CRYBG1: variants seen among roughly 807,000 people sequenced by gnomAD.
CRYBG1 encodes the protein crystallin beta-gamma domain containing 1.
CRYBG1 carries 139 observed loss-of-function variants against 189.2 expected under a neutral mutation model. That is an observed-to-expected ratio of 0.73 (90% confidence interval 0.64 to 0.85). The LOEUF (loss-of-function observed/expected upper bound fraction) is 0.85. Among genes scored for constraint, CRYBG1 ranks in the 40% least tolerant of loss-of-function variants. The pLI is 0.00. For synonymous variants in CRYBG1, 1,023 were observed against 1,017.1 expected (o/e 1.01, Z -0.11); for missense variants, 2,611 against 2,675.8 (o/e 0.98, Z 0.53).
intron 2 of CRYBG1, among the ~76,000 whole-genome samples, chr6:106,463,962 T>C (rs916105744): frequency 2.6e-5 from 4 of 152,196 alleles, no homozygotes; most frequent in Non-Finnish European, 5.9e-5. Flanking sequence ...TTTCAACCAG[T>C]CACATGAAAG....
intron 1 of CRYBG1, among the ~76,000 whole-genome samples, chr6:106,423,250 GGTTTT>G (rs1771161227): frequency 2.0e-5 from 2 of 101,710 alleles, no homozygotes; most frequent in South Asian, 3.4e-4. Flanking sequence ...AGAGTTGGCT[GGTTTT>G]TTTTTTTTTT....
At chr6:106,462,770 C>G (rs73511005) in intron 2 of CRYBG1, among the ~76,000 whole-genome samples, 4,254 of 152,258 alleles carry the variant, frequency 0.028, 214 homozygotes, top group African/African-American at 0.097. Context: ...TTTGTGTATA[C>G]TGGACTTGAC....
At position 106,441,675 on chromosome 6, in the gene CRYBG1, T is replaced by C. The variant is rs201225371; in HGVS notation, c.174-10019T>C. On this transcript the variant is annotated intron_variant, in intron 1 of 21. Coordinates refer to ENST00000633556, the MANE Select transcript of CRYBG1 (RefSeq NM_001371242.2). Reference sequence around the variant, plus strand: ...AAAGCAGCTTTGGTCCCTTGTGGAGTTTACCTACCTGGTGCAGGTGAGTGA... The same window carrying C: ...AAAGCAGCTTTGGTCCCTTGTGGAGCTTACCTACCTGGTGCAGGTGAGTGA... 5.3e-5 allele frequency among the ~76,000 whole-genome samples: 8 copies of C among 152,236 alleles called. No individual in the cohort carries two copies. In the East Asian group the frequency reaches 1.5e-3, roughly 29 times the overall value.
At chr6:106,530,478 C>G (rs1237377400) in intron 8 of CRYBG1, among the ~76,000 whole-genome samples, 163 bp downstream of exon 8, 1 of 152,030 alleles carries the variant, frequency 6.6e-6, no homozygotes, top group African/African-American at 2.4e-5. Context: ...GATTCTTTTG[C>G]ACCTATGTTA....
Position 106,423,561 on chromosome 6 carries a change from T to C in CRYBG1, c.174-28133T>C, listed in dbSNP as rs527880630. 9.9e-5 allele frequency among the ~76,000 whole-genome samples: 15 copies of C among 152,266 alleles called. No individual in the cohort carries two copies. In the South Asian group the frequency reaches 3.1e-3, roughly 32 times the overall value. ...GCTGCATTGAAGCACTAGAATGATA[T>C]AAGTTTGGCTCTAGTGAACTTTTCC... On this transcript the variant is annotated intron_variant, in intron 1 of 21. Transcript: ENST00000633556.
intron 2 of CRYBG1, among the ~76,000 whole-genome samples, chr6:106,473,071 G>C (rs566520252): frequency 1.4e-4 from 22 of 152,236 alleles, no homozygotes; most frequent in African/African-American, 5.1e-4. Flanking sequence ...TTAGTATTGT[G>C]TTTAGAAATT....
intron 1 of CRYBG1, among the ~76,000 whole-genome samples, chr6:106,385,821 C>T (rs9399991): frequency 0.12 from 18,156 of 152,086 alleles, 1,196 homozygotes; most frequent in African/African-American, 0.16. Flanking sequence ...TCATGACAAA[C>T]GTTCTTAGCA....
chr6:106,462,534 G>A (rs1191464323), intron 2 of CRYBG1, among the ~76,000 whole-genome samples: 1 of 152,178 alleles, frequency 6.6e-6, no homozygotes, highest in East Asian at 1.9e-4. Flanking sequence ...AGTTCCTGCT[G>A]GGTTACGTTC....
chr6:106,506,445 A>ATT (rs1773134423), intron 2 of CRYBG1, among the ~76,000 whole-genome samples: 1 of 107,214 alleles, frequency 9.3e-6, no homozygotes, highest in African/African-American at 3.3e-5. Flanking sequence ...ATTTCTTGTC[A>ATT]CTTTTTTTTT....
Position 106,463,447 on chromosome 6 carries a change from G to A in CRYBG1, c.312+11615G>A, listed in dbSNP as rs542066810. 1.2e-3 allele frequency among the ~76,000 whole-genome samples: 184 copies of A among 152,288 alleles called. 1 individual carries two copies. Among genetic ancestry groups the A allele is most frequent in the Admixed American group, 0.012 (183 of 15,300 alleles). On this transcript the variant is annotated intron_variant, in intron 2 of 21. Coordinates refer to ENST00000633556, the MANE Select transcript of CRYBG1 (RefSeq NM_001371242.2). ...CACCCTAGTTTTGTAATGTGTTCTAGGAAAAAGCATGCCCTTTAAACTTAT... is the reference window on the plus strand; with the variant it reads ...CACCCTAGTTTTGTAATGTGTTCTAAGAAAAAGCATGCCCTTTAAACTTAT...
chr6:106,566,125 C>T (rs935640689), intron 21 of CRYBG1, among the ~76,000 whole-genome samples: 1 of 149,022 alleles, frequency 6.7e-6, no homozygotes, highest in Non-Finnish European at 1.5e-5. Flanking sequence ...GGGGTACACA[C>T]TATGTGCCAG....
intron 1 of CRYBG1, among the ~76,000 whole-genome samples, chr6:106,368,272 C>A (rs518405): frequency 0.66 from 99,522 of 151,560 alleles, 32,700 homozygotes; most frequent in East Asian, 0.72. Context: ...TACATACACA[C>A]ACATACACAC....
intron 2 of CRYBG1, among the ~76,000 whole-genome samples, chr6:106,504,942 A>G (rs1773096883): frequency 6.8e-6 from 1 of 147,658 alleles, no homozygotes; most frequent in African/African-American, 2.5e-5. Flanking sequence ...ATATCCTGGA[A>G]GTTATTAAAA....
chr6:106,479,433 A>G lies in CRYBG1; in HGVS notation c.312+27601A>G, dbSNP rs180803621. Among the ~76,000 whole-genome samples, 11 of 152,346 alleles carry G rather than the reference A, an allele frequency of 7.2e-5. No individual in the cohort carries two copies. In the East Asian group the frequency reaches 2.1e-3, roughly 29 times the overall value. ...TAAGCCTTCAATATAAGAATTTTGGAGTGACACAAACATTAGCTCATAAAA... is the reference window on the plus strand; with the variant it reads ...TAAGCCTTCAATATAAGAATTTTGGGGTGACACAAACATTAGCTCATAAAA... On this transcript the variant is annotated intron_variant, in intron 2 of 21. Coordinates refer to ENST00000633556, the MANE Select transcript of CRYBG1 (RefSeq NM_001371242.2).
At chr6:106,474,558 A>G (rs532465053) in intron 2 of CRYBG1, among the ~76,000 whole-genome samples, 7 of 152,326 alleles carry the variant, frequency 4.6e-5, no homozygotes, top group African/African-American at 1.4e-4. Flanking sequence ...AGTAGATTCA[A>G]TATCTCCCTT....
chr6:106,474,862 T>C (rs1346037053), intron 2 of CRYBG1, among the ~76,000 whole-genome samples: 1 of 152,214 alleles, frequency 6.6e-6, no homozygotes, highest in East Asian at 1.9e-4. Flanking sequence ...ACACTGAGTT[T>C]GTTAACTTGA....
intron 1 of CRYBG1, among the ~76,000 whole-genome samples, chr6:106,392,612 A>C (rs1200595796): frequency 1.3e-5 from 2 of 152,180 alleles, no homozygotes; most frequent in African/African-American, 4.8e-5. Flanking sequence ...AAATTAAACA[A>C]TGTGTTTATC....
chr6:106,462,659 C>T (rs1772037611), intron 2 of CRYBG1, among the ~76,000 whole-genome samples: 1 of 152,180 alleles, frequency 6.6e-6, no homozygotes, highest in Non-Finnish European at 1.5e-5. Flanking sequence ...TCATTTGCAG[C>T]ATACCAAGTT....
intron 1 of CRYBG1, among the ~76,000 whole-genome samples, chr6:106,396,122 C>T (rs191408194): frequency 2.0e-5 from 3 of 152,284 alleles, no homozygotes; most frequent in East Asian, 3.9e-4. Context: ...TACTAGGATG[C>T]CTAAGTGCCA....
Sources: allele counts gnomAD v4.1 joint callset (sites outside exome capture counted in the v4.1 genomes callset), GRCh38; gene constraint gnomAD v4.1.1; transcripts MANE v1.5; gene names NCBI Gene and HGNC (gene_info 2026-07-23, HGNC 2026-07-21).